The following C5AR1 variants were observed in gnomAD, a reference collection of about 807,000 sequenced individuals.
C5AR1 encodes the protein C5a anaphylatoxin chemotactic receptor 1.
A neutral mutation model predicts 2.4 loss-of-function variants in C5AR1; 4 were observed. The ratio of observed to expected loss-of-function variants is 1.65; its 90% CI spans 0.81 to 3.77. The LOEUF (loss-of-function observed/expected upper bound fraction) is 3.77, where lower values mean the gene tolerates loss of function less well. Among genes scored for constraint, C5AR1 ranks in the 30% most tolerant of loss-of-function variants. The pLI is 0.01. For synonymous variants in C5AR1, 209 were observed against 210.4 expected, an observed-to-expected ratio of 0.99 and a Z score of 0.06; for missense variants, 418 against 462.5, an observed-to-expected ratio of 0.90 and a Z score of 0.88.
Position 47,320,128 on chromosome 19 carries a change from G to T in C5AR1, c.351G>T (p.Leu117=). 6.2e-7 allele frequency: 1 copy of T among 1,614,114 alleles called. No individual in the cohort carries two copies. Among genetic ancestry groups the T allele is most frequent in the South Asian group, 1.1e-5 (1 of 91,084 alleles). The change falls in exon 2 of 2, where the codon CTG becomes CTT. Residue 117 remains leucine (L), a synonymous_variant. Transcript: ENST00000355085. This position sits in a 1 kb window ranked among gnomAD's most constrained non-coding sequence, Gnocchi z 4.9. ...GCAGCATCCTGCCCTCCCTCATCCTGCTCAACATGTACGCCAGCATCCTGC... is the reference window on the plus strand; with the variant it reads ...GCAGCATCCTGCCCTCCCTCATCCTTCTCAACATGTACGCCAGCATCCTGC... ...AACSILPSLI[L]LNMYASILLL... is the part of the protein sequence containing the mutation.
intron 1 of C5AR1, among the ~76,000 whole-genome samples, 195 bp from the exon 2 acceptor site, chr19:47,319,586 G>C (rs2059301349): frequency 6.6e-6 from 1 of 152,148 alleles, no homozygotes; most frequent in Admixed American, 6.5e-5. Context: ...TGGGATGACA[G>C]GCGTGAGCTA....
At chr19:47,313,715 G>A (rs2059277678) in intron 1 of C5AR1, among the ~76,000 whole-genome samples, 1 of 151,430 alleles carries the variant, frequency 6.6e-6, no homozygotes. Context: ...CTGCACTCCA[G>A]CCTGGGGACA....
rs1414172710 is a variant in C5AR1 at position 47,319,178 on chromosome 19, C to T, written c.4-603C>T. 3.3e-5 allele frequency among the ~76,000 whole-genome samples: 5 copies of T among 151,912 alleles called. No homozygotes were observed. The East Asian group carries it at 5.8e-4, about 18-fold the overall frequency. On this transcript the variant is annotated intron_variant, in intron 1 of 1. Coordinates refer to ENST00000355085, the MANE Select transcript of C5AR1 (RefSeq NM_001736.4). ...GATTACAGGTGTGAGCCACCGTGCC[C>T]GGCCAGTAGGGCTAGACTTTGACGT...
chr19:47,309,959 C>T, intron 1 of C5AR1, 61 bp downstream of exon 1: 1 of 1,563,284 alleles, frequency 6.4e-7, no homozygotes, highest in Non-Finnish European at 8.8e-7. Flanking sequence ...CATCTTTGCT[C>T]CAGTGGGTCC....
chr19:47,308,172 C>T (rs551634345), upstream of C5AR1, among the ~76,000 whole-genome samples: 3 of 139,680 alleles, frequency 2.1e-5, no homozygotes, highest in Non-Finnish European at 4.5e-5. Context: ...GAGATCGTGC[C>T]ACTGCACTCT....
chr19:47,309,931 T>G, intron 1 of C5AR1, 33 bp downstream of exon 1: 4 of 1,607,396 alleles, frequency 2.5e-6, no homozygotes, highest in Non-Finnish European at 3.4e-6. Context: ...AGCAGGAAAC[T>G]TTGTCCTGGG....
intron 1 of C5AR1, among the ~76,000 whole-genome samples, chr19:47,312,885 T>G (rs1301458669): frequency 2.0e-5 from 3 of 152,106 alleles, no homozygotes; most frequent in Non-Finnish European, 4.4e-5. Context: ...CCCAGCCTGG[T>G]GCTTCTTTCT....
chr19:47,314,583 A>T lies in C5AR1; in HGVS notation c.3+4685A>T, dbSNP rs1442146226. ...TGGCTAATTTTTGTATTTTTAGTAGAGACAGGGTTTCACCATGTTGGTCAG... is the reference window on the plus strand; with the variant it reads ...TGGCTAATTTTTGTATTTTTAGTAGTGACAGGGTTTCACCATGTTGGTCAG... On this transcript the variant is annotated intron_variant, in intron 1 of 1. Transcript: ENST00000355085. 4.6e-5 allele frequency among the ~76,000 whole-genome samples: 7 copies of T among 151,926 alleles called. No homozygotes were observed. In the East Asian group the frequency reaches 1.4e-3, roughly 30 times the overall value.
At chr19:47,309,707 G>T (rs531451097), upstream of C5AR1, among the ~76,000 whole-genome samples, 1 of 152,280 alleles carries the variant, frequency 6.6e-6, no homozygotes, top group East Asian at 1.9e-4. Context: ...CTGGGAGGAG[G>T]TGGTTAGAGT....
chr19:47,309,914 G>A lies in C5AR1; in HGVS notation c.3+16G>A. On this transcript the variant is annotated intron_variant, in intron 1 of 1. Coordinates refer to ENST00000355085, the MANE Select transcript of C5AR1 (RefSeq NM_001736.4). The stretch of plus-strand genomic sequence containing the variant: ...CCAGAACATGGTGAGTCTCGAAGGG[G>A]AATGGGAGCAGGAAACTTTGTCCTG... The A allele has an allele frequency of 1.2e-6, 2 of 1,610,078 alleles. No homozygotes were observed. Among genetic ancestry groups the A allele is most frequent in the Non-Finnish European group, 1.7e-6 (2 of 1,178,100 alleles).
At chr19:47,314,343 C>T (rs543118261) in intron 1 of C5AR1, among the ~76,000 whole-genome samples, 8 of 152,298 alleles carry the variant, frequency 5.3e-5, no homozygotes, top group East Asian at 1.9e-4. Context: ...ATGTGGGCCA[C>T]GTGCCACAAT....
At chr19:47,309,448 A>G (rs2059263142), upstream of C5AR1, among the ~76,000 whole-genome samples, 1 of 151,866 alleles carries the variant, frequency 6.6e-6, no homozygotes, top group Non-Finnish European at 1.5e-5. Context: ...GGTGACACAC[A>G]CGTGTAATCC....
chr19:47,311,326 A>G (rs992212796), intron 1 of C5AR1, among the ~76,000 whole-genome samples: 1 of 151,958 alleles, frequency 6.6e-6, no homozygotes, highest in Non-Finnish European at 1.5e-5. Flanking sequence ...CCTGGCCAAC[A>G]TGGTGAAACT....
At chr19:47,314,808 C>T (rs1046652029) in intron 1 of C5AR1, among the ~76,000 whole-genome samples, 7 of 152,202 alleles carry the variant, frequency 4.6e-5, no homozygotes, top group African/African-American at 1.7e-4. Flanking sequence ...TTTTTCCTGC[C>T]TCAGTCTACT....
rs1046839005 is a variant in C5AR1, at chr19:47,321,638, A to T, written c.*808A>T. On this transcript the variant is annotated 3_prime_UTR_variant, in exon 2 of 2. Transcript: ENST00000355085. ...GCAAAGCAAAAACAAAAACAAAAAC[A>T]CCTAAAAAACCTGCAGTTTTGTTTG... 6.6e-6 allele frequency: 1 copy of T among 151,926 alleles called. No homozygotes were observed. Among genetic ancestry groups the T allele is most frequent in the Middle Eastern group, 3.2e-3 (1 of 314 alleles). The allele number at this position is 151,926 out of a possible 1,614,324, so 9.4% of individuals were successfully genotyped here. A position where few individuals can be genotyped will look rare whatever the true frequency, so the allele number is the denominator to read the frequency against.
upstream of C5AR1, among the ~76,000 whole-genome samples, chr19:47,308,042 G>A (rs557682645): frequency 6.0e-5 from 9 of 151,102 alleles, no homozygotes; most frequent in Admixed American, 2.6e-4. Flanking sequence ...GTGAAACCAC[G>A]TCTCTACTAA....
chr19:47,314,911 CTT>C (rs1282266706), intron 1 of C5AR1, among the ~76,000 whole-genome samples: 3 of 152,210 alleles, frequency 2.0e-5, no homozygotes, highest in Non-Finnish European at 4.4e-5. Flanking sequence ...CCAGTCTGGG[CTT>C]GAACTCCTGA....
At chr19:47,319,436 G>A (rs1408980211) in intron 1 of C5AR1, among the ~76,000 whole-genome samples, 1 of 151,416 alleles carries the variant, frequency 6.6e-6, no homozygotes, top group Non-Finnish European at 1.5e-5. Context: ...AGCCTCCGGA[G>A]TAGCTGGGAC....
chr19:47,319,956 G>A lies in C5AR1; in HGVS notation c.179G>A (p.Trp60Ter). The change falls in exon 2 of 2, where the codon TGG becomes TAG. Residue 60 changes from tryptophan to a stop codon, truncating the protein, a stop_gained. Transcript: ENST00000355085. LOFTEE classifies it low-confidence loss of function (END_TRUNC). ...VGVLGNALVV[W>*]VTAFEAKRTI... ...GTGCTGGGCAATGCCCTGGTGGTCT[G>A]GGTGACGGCATTCGAGGCCAAGCGG... 4 of 1,614,254 alleles carry A rather than the reference G, an allele frequency of 2.5e-6. No homozygotes were observed. The highest frequency in any genetic ancestry group is 3.4e-6 in the Non-Finnish European group (4 of 1,180,052).
Sources: allele counts gnomAD v4.1 joint callset (sites outside exome capture counted in the v4.1 genomes callset), GRCh38; gene constraint gnomAD v4.1.1; non-coding constraint Gnocchi (gnomAD v3.1); transcripts MANE v1.5; gene names NCBI Gene and HGNC (gene_info 2026-07-23, HGNC 2026-07-21).